The following DAB1 variants were observed in gnomAD, a reference collection of about 807,000 sequenced individuals.
DAB1 encodes DAB adaptor protein 1, also known as disabled homolog 1.
In DAB1, 15 loss-of-function variants were observed where a neutral mutation model predicts 64.6. The observed-to-expected ratio is 0.23, with a 90% CI of 0.16 to 0.36. The LOEUF (loss-of-function observed/expected upper bound fraction) is 0.36. DAB1 is among the 10% of genes least tolerant of loss of function. DAB1 has a pLI of 1.00. For missense variants in DAB1, 596 were observed against 706.7 expected (o/e 0.84, Z 1.78); for synonymous variants, 235 against 251.9 (o/e 0.93, Z 0.64).
At chr1:57,812,043 C>T (rs933472893) in intron 6 of DAB1, among the ~76,000 whole-genome samples, 1 of 152,128 alleles carries the variant, frequency 6.6e-6, no homozygotes, top group Non-Finnish European at 1.5e-5. Context: ...CTGAAGCCTA[C>T]ACCTCTCCTT....
chr1:57,459,208 A>C (rs1020907815), intron 7 of DAB1, among the ~76,000 whole-genome samples: 4 of 152,166 alleles, frequency 2.6e-5, no homozygotes, highest in Non-Finnish European at 2.9e-5. Flanking sequence ...TTTTTCACTT[A>C]ATTTTATTTC....
intron 4 of DAB1, among the ~76,000 whole-genome samples, chr1:57,082,197 T>A (rs1652616638): frequency 6.6e-6 from 1 of 152,190 alleles, no homozygotes; most frequent in Admixed American, 6.5e-5. Context: ...TTTGAGCATT[T>A]TCATGGTAAG....
chr1:57,841,195 C>T (rs1178277716), intron 1 of DAB1, among the ~76,000 whole-genome samples: 2 of 152,236 alleles, frequency 1.3e-5, no homozygotes, highest in Non-Finnish European at 2.9e-5. Flanking sequence ...GACCCCATGT[C>T]TCACATCCAA....
intron 4 of DAB1, among the ~76,000 whole-genome samples, chr1:58,257,771 C>T (rs1660964886): frequency 6.6e-6 from 1 of 152,164 alleles, no homozygotes; most frequent in Non-Finnish European, 1.5e-5. Context: ...AATTTTACAG[C>T]TGGGGGAGCT....
intron 2 of DAB1, among the ~76,000 whole-genome samples, chr1:57,290,135 G>A (rs1672651315): frequency 6.6e-6 from 1 of 152,090 alleles, no homozygotes; most frequent in Non-Finnish European, 1.5e-5. Context: ...CTAACCAAGT[G>A]CTAATGAAAC....
chr1:58,500,050 C>A (rs1253262503), intron 3 of DAB1, among the ~76,000 whole-genome samples: 1 of 152,116 alleles, frequency 6.6e-6, no homozygotes, highest in African/African-American at 2.4e-5. Flanking sequence ...CAAGACATTT[C>A]AAGAGGGAAA....
chr1:58,036,782 T>C (rs1359913720), intron 5 of DAB1, among the ~76,000 whole-genome samples: 1 of 152,168 alleles, frequency 6.6e-6, no homozygotes, highest in Non-Finnish European at 1.5e-5. Flanking sequence ...TGGAAGACCC[T>C]GTAGGGAGGT....
At chr1:57,360,177 T>C (rs1163378529) in intron 1 of DAB1, among the ~76,000 whole-genome samples, 5 of 151,958 alleles carry the variant, frequency 3.3e-5, no homozygotes, top group African/African-American at 7.3e-5. Context: ...CATAACAACA[T>C]GCAGTACGTG....
At chr1:57,113,448 T>TCC (rs1655838466) in intron 4 of DAB1, among the ~76,000 whole-genome samples, 2 of 152,186 alleles carry the variant, frequency 1.3e-5, no homozygotes, top group African/African-American at 4.8e-5. Flanking sequence ...TGGCAGACTT[T>TCC]TTCTGCAAAG....
upstream of DAB1, among the ~76,000 whole-genome samples, chr1:57,426,016 G>T (rs1292249162): frequency 6.6e-6 from 1 of 152,190 alleles, no homozygotes; most frequent in Non-Finnish European, 1.5e-5. Context: ...CGAAACAGGG[G>T]AAGGGAGGGT....
intron 1 of DAB1, among the ~76,000 whole-genome samples, chr1:57,849,843 G>T (rs1198488495): frequency 6.6e-6 from 1 of 152,154 alleles, no homozygotes; most frequent in African/African-American, 2.4e-5. Flanking sequence ...GTATGTGTAT[G>T]CACATAATTA....
chr1:58,062,384 A>G (rs1312050590), intron 5 of DAB1, among the ~76,000 whole-genome samples: 2 of 152,180 alleles, frequency 1.3e-5, no homozygotes, highest in East Asian at 3.9e-4. Flanking sequence ...CCTCTATTGC[A>G]TGGTTTTATA....
intron 7 of DAB1, among the ~76,000 whole-genome samples, chr1:57,433,942 A>G (rs1685602347): frequency 6.6e-6 from 1 of 151,994 alleles, no homozygotes; most frequent in South Asian, 2.1e-4. Context: ...AAACTGTAAT[A>G]AGACACCACT....
intron 6 of DAB1, among the ~76,000 whole-genome samples, chr1:57,710,002 T>A (rs1430815049): frequency 1.3e-5 from 2 of 152,176 alleles, no homozygotes; most frequent in Non-Finnish European, 2.9e-5. Flanking sequence ...AGAAAAGAAA[T>A]GATTTGGGGG....
intron 7 of DAB1, among the ~76,000 whole-genome samples, chr1:57,432,336 T>G (rs1685548010): frequency 1.3e-5 from 2 of 152,068 alleles, no homozygotes; most frequent in South Asian, 2.1e-4. Context: ...CCTGGTAATT[T>G]TTTTTTTTCT....
intron 2 of DAB1, among the ~76,000 whole-genome samples, chr1:57,175,312 T>C (rs921189650): frequency 1.5e-5 from 2 of 137,334 alleles, no homozygotes; most frequent in Non-Finnish European, 3.0e-5. Flanking sequence ...TTTCAGACTT[T>C]AAATTTTTTT....
At chr1:58,398,560 TAGAG>T (rs1644543056) in intron 3 of DAB1, among the ~76,000 whole-genome samples, 1 of 152,178 alleles carries the variant, frequency 6.6e-6, no homozygotes, top group African/African-American at 2.4e-5. Flanking sequence ...AACCTACACT[TAGAG>T]AGCAGTTACC....
intron 3 of DAB1, among the ~76,000 whole-genome samples, chr1:58,374,355 T>C (rs1346932813): frequency 3.3e-5 from 4 of 120,404 alleles, no homozygotes; most frequent in African/African-American, 1.2e-4. Flanking sequence ...TTGATTTTTG[T>C]ATAAGGTGTA....
intron 5 of DAB1, among the ~76,000 whole-genome samples, chr1:58,016,899 C>T (rs1174741546): frequency 6.6e-6 from 1 of 152,114 alleles, no homozygotes; most frequent in African/African-American, 2.4e-5. Context: ...TTATTAAAAC[C>T]TCCTACTTGC....
Sources: allele counts gnomAD v4.1 joint callset (sites outside exome capture counted in the v4.1 genomes callset), GRCh38; gene constraint gnomAD v4.1.1; transcripts MANE v1.5; gene names NCBI Gene and HGNC (gene_info 2026-07-23, HGNC 2026-07-21).